The following VDR variants were observed in gnomAD, a reference collection of about 807,000 sequenced individuals.
The protein encoded by VDR is vitamin D3 receptor.
A neutral mutation model predicts 39.7 loss-of-function variants in VDR; 19 were observed. The observed-to-expected ratio is 0.48, with a 90% CI of 0.33 to 0.70. The LOEUF (loss-of-function observed/expected upper bound fraction) is 0.70, where lower values mean the gene tolerates loss of function less well. VDR is among the 30% of genes least tolerant of loss of function. The pLI is 0.02. For missense variants in VDR, 442 were observed against 570.5 expected (o/e 0.77, Z 2.29); for synonymous variants, 242 against 215.8 (o/e 1.12, Z -1.07).
chr12:47,879,300 C>CA (rs1382291664), intron 2 of VDR, among the ~76,000 whole-genome samples, 185 bp from the exon 3 acceptor site: 1 of 150,712 alleles, frequency 6.6e-6, no homozygotes, highest in Middle Eastern at 3.2e-3. Flanking sequence ...AGCCCTCATA[C>CA]ATGATTCGCC....
chr12:47,886,877 T>G (rs1214059987), intron 1 of VDR, among the ~76,000 whole-genome samples: 2 of 152,212 alleles, frequency 1.3e-5, no homozygotes, highest in Non-Finnish European at 2.9e-5. Context: ...CATGCACAGA[T>G]GGAACAGCAC....
intron 7 of VDR, among the ~76,000 whole-genome samples, chr12:47,849,823 T>C (rs1945350069): frequency 6.6e-6 from 1 of 151,706 alleles, no homozygotes; most frequent in African/African-American, 2.4e-5. Context: ...TTTTGGCGTA[T>C]TTTCTTCCTA....
At chr12:47,853,547 G>C (rs1945428356) in intron 7 of VDR, among the ~76,000 whole-genome samples, 1 of 152,070 alleles carries the variant, frequency 6.6e-6, no homozygotes, top group African/African-American at 2.4e-5. Flanking sequence ...GAGGTCAGTA[G>C]TTCAAGACCA....
intron 4 of VDR, among the ~76,000 whole-genome samples, chr12:47,859,121 G>T (rs1240687185): frequency 6.6e-6 from 1 of 152,214 alleles, no homozygotes; most frequent in Non-Finnish European, 1.5e-5. Context: ...ATCCAGGGAA[G>T]GCAATGGGGG....
chr12:47,878,918 G>C (rs1565627547), intron 3 of VDR, 50 bp downstream of exon 3: 1 of 1,613,760 alleles, frequency 6.2e-7, no homozygotes, highest in Non-Finnish European at 8.5e-7. Context: ...GAAACACCTT[G>C]CTTCTTCTCC....
chr12:47,857,116 A>C lies in VDR; in HGVS notation c.583+13T>G, dbSNP rs1322522554. On this transcript the variant is annotated intron_variant, in intron 6 of 9. Transcript: ENST00000549336. ...CGCTCCCTTACTCTATGGAGGACTG[A>C]AGTCCTGCTTACCTGAAGAGGTGAT... 2.7e-5 allele frequency: 43 copies of C among 1,613,878 alleles called. No individual in the cohort carries two copies. Among genetic ancestry groups the C allele is most frequent in the Non-Finnish European group, 3.2e-5 (38 of 1,179,954 alleles).
intron 5 of VDR, 42 bp from the exon 6 acceptor site, chr12:47,857,291 T>G (rs765676980): frequency 6.2e-7 from 1 of 1,613,798 alleles, no homozygotes; most frequent in Non-Finnish European, 8.5e-7. Context: ...ATTTTGGGGT[T>G]GCCTTCCTAC....
rs1409586085 is a variant in VDR at position 47,855,774 on chromosome 12, T to C, written c.611A>G (p.Asn204Ser). 6.2e-7 allele frequency: 1 copy of C among 1,613,922 alleles called. No homozygotes were observed. The highest frequency in any genetic ancestry group is 8.5e-7 in the Non-Finnish European group (1 of 1,179,980). ...TGAATCTTCTTCACTCAGATCCAGA[T>C]TGGAGAAGCTGGACGAGTCCATCAT... ...SDMMDSSSFS[N>S]LDLSEEDSDD... Residue 204 changes from asparagine to serine, a missense_variant, in exon 7 of 10, where the codon AAT becomes AGT. Transcript: ENST00000549336.
At chr12:47,859,455 C>T (rs1402083527) in intron 4 of VDR, among the ~76,000 whole-genome samples, 2 of 152,324 alleles carry the variant, frequency 1.3e-5, no homozygotes, top group Non-Finnish European at 1.5e-5. Flanking sequence ...ATGACCTGCT[C>T]ATGCTCGCCC....
chr12:47,865,916 C>T (rs1007683065), intron 3 of VDR, among the ~76,000 whole-genome samples: 27 of 150,660 alleles, frequency 1.8e-4, no homozygotes, highest in African/African-American at 6.6e-4. Flanking sequence ...GGGGTTTCAC[C>T]GTGTTAGCCA....
intron 3 of VDR, among the ~76,000 whole-genome samples, chr12:47,873,809 C>T (rs1019790650): frequency 2.0e-5 from 3 of 152,170 alleles, no homozygotes; most frequent in Admixed American, 1.3e-4. Context: ...CAAAAACATG[C>T]TTTCCCAAAG....
chr12:47,857,553 G>T lies in VDR; in HGVS notation c.413C>A (p.Ala138Asp). 6.2e-7 allele frequency: 1 copy of T among 1,614,194 alleles called. No individual in the cohort carries two copies. Among genetic ancestry groups the T allele is most frequent in the Non-Finnish European group, 8.5e-7 (1 of 1,180,046 alleles). The change falls in exon 5 of 10, where the codon GCC becomes GAC. Residue 138 changes from alanine (A) to aspartate (D), a missense_variant. Physicochemically the swap from Ala to Asp is moderately radical, Grantham distance 126 (BLOSUM62 -2). Transcript: ENST00000549336. ...QQRIIAILLD[A>D]HHKTYDPTYS... ...GGTGGGGTCGTAGGTCTTATGGTGG[G>T]CGTCCAGCAGTATGGCAATGATGCG... is the stretch of plus-strand genomic sequence containing the variant.
chr12:47,859,870 C>T (rs536878401), intron 4 of VDR, among the ~76,000 whole-genome samples: 14 of 25,382 alleles, frequency 5.5e-4, no homozygotes, highest in Non-Finnish European at 8.5e-4. Flanking sequence ...TCCTTCTTTC[C>T]TTCCTTCCTT....
intron 7 of VDR, 37 bp from the exon 8 acceptor site, chr12:47,846,845 TA>T: frequency 6.2e-7 from 1 of 1,613,138 alleles, no homozygotes; most frequent in Non-Finnish European, 8.5e-7. Flanking sequence ...AGGTTACCAG[TA>T]AACGCCTTCA....
intron 4 of VDR, among the ~76,000 whole-genome samples, chr12:47,858,517 A>G (rs1452159929): frequency 6.6e-6 from 1 of 152,250 alleles, no homozygotes; most frequent in Non-Finnish European, 1.5e-5. Context: ...CCAGCCACTA[A>G]TCAGGGTGTG....
chr12:47,887,005 T>C (rs1405219696), intron 1 of VDR, among the ~76,000 whole-genome samples: 1 of 151,974 alleles, frequency 6.6e-6, no homozygotes, highest in Non-Finnish European at 1.5e-5. Flanking sequence ...TATGGTACCA[T>C]ATGCACATTA....
Position 47,844,818 on chromosome 12 carries a change from G to T in VDR, c.1212C>A (p.Leu404=). The T allele has an allele frequency of 6.2e-7, 1 of 1,614,208 alleles. No individual in the cohort carries two copies. Among genetic ancestry groups the T allele is most frequent in the East Asian group, 2.2e-5 (1 of 44,880 alleles). Residue 404 remains leucine (L), a synonymous_variant, in exon 10 of 10, where the codon CTC becomes CTA. Transcript: ENST00000549336. ...NEEHSKQYRC[L]SFQPECSMKL... ...TCATGCTGCACTCAGGCTGGAAGGA[G>T]AGGCAGCGGTACTGCTTGGAGTGCT... is the stretch of plus-strand genomic sequence containing the variant.
chr12:47,879,552 C>G (rs559507503), intron 2 of VDR, among the ~76,000 whole-genome samples: 1 of 152,300 alleles, frequency 6.6e-6, no homozygotes, highest in Admixed American at 6.5e-5. Flanking sequence ...CCAACGCCCC[C>G]TCCAAGGGAA....
chr12:47,855,568 C>A, intron 7 of VDR, 62 bp downstream of exon 7: 7 of 1,587,848 alleles, frequency 4.4e-6, no homozygotes, highest in Non-Finnish European at 6.0e-6. Context: ...GATCTCCAAC[C>A]CTTCTTGTAG....
Sources: allele counts gnomAD v4.1 joint callset (sites outside exome capture counted in the v4.1 genomes callset), GRCh38; gene constraint gnomAD v4.1.1; transcripts MANE v1.5; gene names NCBI Gene and HGNC (gene_info 2026-07-23, HGNC 2026-07-21).